The following TMEM132B variants were observed in gnomAD, a reference collection of about 807,000 sequenced individuals.
TMEM132B encodes the protein transmembrane protein 132B.
A neutral mutation model predicts 90.8 loss-of-function variants in TMEM132B; 18 were observed. The observed-to-expected ratio is 0.20, with a 90% CI of 0.14 to 0.29. TMEM132B has a LOEUF of 0.29. TMEM132B is among the 10% of genes least tolerant of loss of function. TMEM132B has a pLI of 1.00. For synonymous variants in TMEM132B, 504 were observed against 523.3 expected (o/e 0.96, Z 0.50); for missense variants, 1,096 against 1,326.8 (o/e 0.83, Z 2.70).
chr12:125,600,694 C>G (rs1402233506), intron 5 of TMEM132B, among the ~76,000 whole-genome samples: 1 of 152,142 alleles, frequency 6.6e-6, no homozygotes, highest in Non-Finnish European at 1.5e-5. Flanking sequence ...TGGGCATTTT[C>G]TGTCCCATGT....
intron 3 of TMEM132B, among the ~76,000 whole-genome samples, chr12:125,513,404 T>G (rs1489270119): frequency 3.9e-5 from 6 of 152,058 alleles, no homozygotes; most frequent in African/African-American, 1.4e-4. Flanking sequence ...ATCAACATTA[T>G]CAATAAATAA....
intron 1 of TMEM132B, among the ~76,000 whole-genome samples, chr12:125,263,988 C>A (rs921939841): frequency 6.6e-6 from 1 of 152,192 alleles, no homozygotes; most frequent in Non-Finnish European, 1.5e-5. Context: ...CTTACACACA[C>A]AAATCTATTA....
chr12:125,511,806 C>G (rs952810982), intron 3 of TMEM132B, among the ~76,000 whole-genome samples: 2 of 145,802 alleles, frequency 1.4e-5, no homozygotes, highest in Admixed American at 6.9e-5. Context: ...GAGCCGAGAT[C>G]GCACCATTGC....
intron 5 of TMEM132B, among the ~76,000 whole-genome samples, chr12:125,607,317 G>T (rs11608631): frequency 0.1 from 15,232 of 152,186 alleles, 997 homozygotes; most frequent in South Asian, 0.21. Context: ...ACGAAAAGAG[G>T]TTTAGAGACC....
chr12:125,297,817 G>C (rs1054503975), intron 1 of TMEM132B, among the ~76,000 whole-genome samples: 4 of 152,136 alleles, frequency 2.6e-5, no homozygotes, highest in Non-Finnish European at 5.9e-5. Context: ...CCCTGGGGTG[G>C]CTCATGGGTT....
chr12:125,578,869 T>C (rs1019328913), intron 4 of TMEM132B, among the ~76,000 whole-genome samples: 26 of 152,190 alleles, frequency 1.7e-4, no homozygotes, highest in African/African-American at 6.0e-4. Context: ...GTTTTCAATA[T>C]TATATGGTAT....
chr12:125,564,916 T>C (rs528216108), intron 4 of TMEM132B, among the ~76,000 whole-genome samples: 24 of 152,286 alleles, frequency 1.6e-4, no homozygotes, highest in African/African-American at 5.8e-4. Context: ...ATTCTGACTG[T>C]GAAACAATGT....
chr12:125,409,392 C>T (rs961062902), intron 2 of TMEM132B, among the ~76,000 whole-genome samples: 5 of 152,240 alleles, frequency 3.3e-5, no homozygotes, highest in East Asian at 3.9e-4. Flanking sequence ...TACTGGAACC[C>T]GAGGAGCCCT....
intron 1 of TMEM132B, among the ~76,000 whole-genome samples, chr12:125,284,166 T>C (rs1875279320): frequency 6.6e-6 from 1 of 152,236 alleles, no homozygotes; most frequent in Admixed American, 6.5e-5. Context: ...AGTGAATTTT[T>C]CTGCATAGAT....
rs1248906203 is a variant in TMEM132B at position 125,658,873 on chromosome 12, G to A, written c.*4163G>A. 1 of 152,180 alleles carries A rather than the reference G, an allele frequency of 6.6e-6. No homozygotes were observed. Among genetic ancestry groups the A allele is most frequent in the African/African-American group, 2.4e-5 (1 of 41,434 alleles). 9.4% of individuals were successfully genotyped at this position (152,180 alleles called of 1,614,324 possible). A position where few individuals can be genotyped will look rare whatever the true frequency, so the allele number is the denominator to read the frequency against. On this transcript the variant is annotated 3_prime_UTR_variant, in exon 9 of 9. Transcript: ENST00000682704. ...GTGGCTTATGTTGGGATTGATGATGGAATCTGCCAGAACATTTTCATCTTA... is the reference window on the plus strand; with the variant it reads ...GTGGCTTATGTTGGGATTGATGATGAAATCTGCCAGAACATTTTCATCTTA...
At chr12:125,584,072 T>C (rs1885120605) in intron 5 of TMEM132B, 78 bp downstream of exon 5, 1 of 1,601,230 alleles carries the variant, frequency 6.2e-7, no homozygotes. Context: ...CAAGGTCTTG[T>C]TCTCACTGAG....
intron 4 of TMEM132B, among the ~76,000 whole-genome samples, chr12:125,570,315 C>T (rs1346434946): frequency 6.6e-6 from 1 of 152,154 alleles, no homozygotes; most frequent in African/African-American, 2.4e-5. Flanking sequence ...GTAAACTTGC[C>T]TGTAAGGCCT....
chr12:125,282,618 A>G (rs1875228160), intron 1 of TMEM132B, among the ~76,000 whole-genome samples: 1 of 152,128 alleles, frequency 6.6e-6, no homozygotes, highest in Admixed American at 6.5e-5. Flanking sequence ...TTGGGGACAA[A>G]GGGAATATGA....
At chr12:125,427,990 G>A (rs1402877976) in intron 3 of TMEM132B, among the ~76,000 whole-genome samples, 2 of 82,454 alleles carry the variant, frequency 2.4e-5, no homozygotes, top group Non-Finnish European at 4.8e-5. Context: ...CATGCTAATG[G>A]AAAGTACTTT....
chr12:125,435,541 G>A (rs1880675164), intron 3 of TMEM132B, among the ~76,000 whole-genome samples: 1 of 152,190 alleles, frequency 6.6e-6, no homozygotes, highest in African/African-American at 2.4e-5. Flanking sequence ...GCGTATTACA[G>A]AGCCCTCCCA....
At chr12:125,575,078 A>ATATATATATATATT (rs1311570495) in intron 4 of TMEM132B, among the ~76,000 whole-genome samples, 2 of 108,962 alleles carry the variant, frequency 1.8e-5, no homozygotes, top group African/African-American at 6.7e-5. Context: ...ATATATATAT[A>ATATATATATATATT]TATATTCAGG....
intron 1 of TMEM132B, among the ~76,000 whole-genome samples, chr12:125,192,165 C>T (rs1355338064): frequency 6.6e-6 from 1 of 152,160 alleles, no homozygotes; most frequent in African/African-American, 2.4e-5. Context: ...ACGGATTCTT[C>T]AACAACCCTA....
At chr12:125,273,728 C>A (rs1171175984) in intron 1 of TMEM132B, among the ~76,000 whole-genome samples, 2 of 152,164 alleles carry the variant, frequency 1.3e-5, no homozygotes, top group Non-Finnish European at 2.9e-5. Flanking sequence ...TGCAGTGGTG[C>A]GATCTTGGCT....
At chr12:125,526,545 GC>G (rs1883468653) in intron 4 of TMEM132B, among the ~76,000 whole-genome samples, 1 of 152,224 alleles carries the variant, frequency 6.6e-6, no homozygotes, top group Non-Finnish European at 1.5e-5. Flanking sequence ...CCCACGCAGT[GC>G]CCCTGGTGCC....
Sources: gnomAD v4.1 joint callset for allele counts (sites outside exome capture counted in the v4.1 genomes callset) on GRCh38, gnomAD v4.1.1 for gene constraint, MANE v1.5 for transcripts, NCBI Gene and HGNC (gene_info 2026-07-23, HGNC 2026-07-21) for gene names.